The following XYLT1 variants were observed in gnomAD, a reference collection of about 807,000 sequenced individuals.
XYLT1 encodes xylosyltransferase 1.
A neutral mutation model predicts 91.3 loss-of-function variants in XYLT1; 36 were observed. The ratio of observed to expected loss-of-function variants is 0.39; its 90% CI spans 0.30 to 0.52. The LOEUF (loss-of-function observed/expected upper bound fraction) is 0.52. XYLT1 is among the 20% of genes least tolerant of loss of function. The pLI is 0.68. For synonymous variants in XYLT1, 588 were observed against 532.0 expected, an observed-to-expected ratio of 1.11 and a Z score of -1.45; for missense variants, 1,242 against 1,284.5, an observed-to-expected ratio of 0.97 and a Z score of 0.51.
chr16:17,225,947 T>C (rs1207447141), intron 3 of XYLT1, among the ~76,000 whole-genome samples: 2 of 152,192 alleles, frequency 1.3e-5, no homozygotes, highest in Non-Finnish European at 2.9e-5. Flanking sequence ...ATATTTACCT[T>C]ACCCCTAAGA....
At chr16:17,277,058 C>T (rs760328862) in intron 2 of XYLT1, among the ~76,000 whole-genome samples, 2 of 152,176 alleles carry the variant, frequency 1.3e-5, no homozygotes, top group Non-Finnish European at 2.9e-5. Flanking sequence ...GTGCTGGGGA[C>T]ATGTCTGTGA....
chr16:17,433,152 G>C (rs1409970526), intron 1 of XYLT1, among the ~76,000 whole-genome samples: 1 of 152,096 alleles, frequency 6.6e-6, no homozygotes, highest in African/African-American at 2.4e-5. Flanking sequence ...GCTAAGTGGA[G>C]AGCCAAATTC....
At chr16:17,411,353 A>C (rs1482164801) in intron 1 of XYLT1, among the ~76,000 whole-genome samples, 1 of 152,202 alleles carries the variant, frequency 6.6e-6, no homozygotes, top group Non-Finnish European at 1.5e-5. Context: ...AGAGCTACCT[A>C]CTTAATACAA....
intron 9 of XYLT1, among the ~76,000 whole-genome samples, chr16:17,129,365 G>A (rs2030385916): frequency 6.6e-6 from 1 of 152,100 alleles, no homozygotes; most frequent in Non-Finnish European, 1.5e-5. Flanking sequence ...GGGTTCAAGC[G>A]ATTCTCCTGA....
intron 2 of XYLT1, among the ~76,000 whole-genome samples, chr16:17,322,756 C>T (rs887165942): frequency 6.6e-6 from 1 of 152,218 alleles, no homozygotes; most frequent in Non-Finnish European, 1.5e-5. Context: ...CTCCTAGCTC[C>T]CCTTCATAGC....
At chr16:17,353,209 C>T (rs2035244864) in intron 2 of XYLT1, among the ~76,000 whole-genome samples, 1 of 152,208 alleles carries the variant, frequency 6.6e-6, no homozygotes, top group Non-Finnish European at 1.5e-5. Flanking sequence ...ACCTGCTTCC[C>T]TCTAACTCTA....
At chr16:17,294,573 T>C (rs142982795) in intron 2 of XYLT1, among the ~76,000 whole-genome samples, 1 of 152,172 alleles carries the variant, frequency 6.6e-6, no homozygotes, top group Non-Finnish European at 1.5e-5. Flanking sequence ...TAAGGGCTTT[T>C]AGGGGACAGC....
chr16:17,202,491 CCTT>C (rs1340641319), intron 3 of XYLT1, among the ~76,000 whole-genome samples: 1 of 152,152 alleles, frequency 6.6e-6, no homozygotes, highest in Non-Finnish European at 1.5e-5. Flanking sequence ...TGTCCTCTGG[CCTT>C]CTTTCTCTTC....
At chr16:17,127,639 G>T (rs1393180812) in intron 10 of XYLT1, 27 bp downstream of exon 10, 2 of 1,602,188 alleles carry the variant, frequency 1.2e-6, no homozygotes, top group East Asian at 4.5e-5. Context: ...AAAATACAAT[G>T]AAATGTGACA....
At chr16:17,227,032 T>C (rs933404845) in intron 3 of XYLT1, 1 of 152,236 alleles carries the variant, frequency 6.6e-6, no homozygotes, top group Non-Finnish European at 1.5e-5. Flanking sequence ...GTAAGACAGA[T>C]GCTATTTATT....
At chr16:17,405,039 A>G (rs2036013831) in intron 1 of XYLT1, among the ~76,000 whole-genome samples, 1 of 152,198 alleles carries the variant, frequency 6.6e-6, no homozygotes, top group Non-Finnish European at 1.5e-5. Context: ...AACAGCATTT[A>G]GAGGGCCCCT....
intron 1 of XYLT1, among the ~76,000 whole-genome samples, chr16:17,394,196 T>C (rs1281189831): frequency 6.6e-6 from 1 of 152,156 alleles, no homozygotes; most frequent in Non-Finnish European, 1.5e-5. Context: ...AAAGTAAAAC[T>C]TCAATTTCTC....
chr16:17,333,840 G>A (rs553436982), intron 2 of XYLT1, among the ~76,000 whole-genome samples: 3 of 151,860 alleles, frequency 2.0e-5, no homozygotes, highest in African/African-American at 4.8e-5. Context: ...TGCCCACCTC[G>A]GCCTCCCAAA....
chr16:17,367,481 G>A (rs578221487), intron 1 of XYLT1, among the ~76,000 whole-genome samples: 1 of 152,270 alleles, frequency 6.6e-6, no homozygotes, highest in African/African-American at 2.4e-5. Context: ...CACTTGCTGT[G>A]GTCACCAAGA....
chr16:17,298,240 C>G (rs916035596), intron 2 of XYLT1, among the ~76,000 whole-genome samples: 4 of 152,084 alleles, frequency 2.6e-5, no homozygotes, highest in Non-Finnish European at 5.9e-5. Context: ...GGTGTCACAT[C>G]TAGTGGGGGC....
At chr16:17,382,091 G>A (rs1392207138) in intron 1 of XYLT1, among the ~76,000 whole-genome samples, 1 of 151,852 alleles carries the variant, frequency 6.6e-6, no homozygotes, top group Non-Finnish European at 1.5e-5. Flanking sequence ...TCCCTCAATT[G>A]TCATTGGACA....
intron 2 of XYLT1, among the ~76,000 whole-genome samples, chr16:17,346,284 C>T (rs985285140): frequency 6.6e-5 from 10 of 152,182 alleles, no homozygotes; most frequent in African/African-American, 2.4e-4. Context: ...GTCCAGACTG[C>T]CCTTGTCCAC....
At chr16:17,150,438 G>C (rs951254600) in intron 6 of XYLT1, among the ~76,000 whole-genome samples, 1 of 152,112 alleles carries the variant, frequency 6.6e-6, no homozygotes, top group Non-Finnish European at 1.5e-5. Context: ...ACATCACCCC[G>C]CCCTTCTCTC....
At chr16:17,469,663 A>C (rs1251811436) in intron 1 of XYLT1, among the ~76,000 whole-genome samples, 7 of 152,234 alleles carry the variant, frequency 4.6e-5, no homozygotes, top group African/African-American at 1.4e-4. Flanking sequence ...TAGGAGTGGA[A>C]GCCCTGACGG....
Sources: gnomAD v4.1 joint callset for allele counts (sites outside exome capture counted in the v4.1 genomes callset) on GRCh38, gnomAD v4.1.1 for gene constraint, MANE v1.5 for transcripts, NCBI Gene and HGNC (gene_info 2026-07-23, HGNC 2026-07-21) for gene names.